PLA2G4A: variants seen among roughly 807,000 people sequenced by gnomAD.
The protein encoded by PLA2G4A is phospholipase A2 group IVA.
PLA2G4A carries 40 observed loss-of-function variants against 81.9 expected under a neutral mutation model. That is an observed-to-expected ratio of 0.49 (90% CI 0.38 to 0.64). PLA2G4A has a LOEUF of 0.64. Ranked by LOEUF, PLA2G4A falls within the 30% of genes least tolerant of loss-of-function variation. The probability of loss-of-function intolerance (pLI) is 0.00; values close to 1 mark genes in which losing one functional copy is unlikely to be tolerated. For synonymous variants in PLA2G4A, 302 were observed against 296.9 expected (o/e 1.02, Z -0.18); for missense variants, 715 against 905.1 (o/e 0.79, Z 2.69).
intron 10 of PLA2G4A, among the ~76,000 whole-genome samples, chr1:186,945,739 T>G (rs1656315642): frequency 6.6e-6 from 1 of 152,092 alleles, no homozygotes; most frequent in South Asian, 2.1e-4. Context: ...GAGTTGCAAA[T>G]GTAGAAAATG....
At chr1:186,903,098 A>G (rs1028332066) in intron 5 of PLA2G4A, among the ~76,000 whole-genome samples, 2 of 152,126 alleles carry the variant, frequency 1.3e-5, no homozygotes, top group African/African-American at 4.8e-5. Context: ...TCTAAGTAAA[A>G]TTGACCCTTT....
chr1:186,931,675 G>T (rs1410059749), intron 7 of PLA2G4A, among the ~76,000 whole-genome samples: 1 of 151,506 alleles, frequency 6.6e-6, no homozygotes, highest in East Asian at 1.9e-4. Flanking sequence ...AATCTTTTTG[G>T]TCCTTCTGGT....
intron 17 of PLA2G4A, 44 bp downstream of exon 17, chr1:186,979,516 T>C (rs761007598): frequency 4.0e-6 from 5 of 1,262,500 alleles, no homozygotes; most frequent in Admixed American, 3.4e-5. Flanking sequence ...ATGACTTCCA[T>C]ACCGTATAAA....
intron 8 of PLA2G4A, among the ~76,000 whole-genome samples, chr1:186,937,809 G>A (rs1268515713): frequency 6.6e-6 from 1 of 151,610 alleles, no homozygotes; most frequent in Non-Finnish European, 1.5e-5. Context: ...ATATGAGCAT[G>A]TTATTTAAAT....
In PLA2G4A at chr1:186,979,173, T is replaced by C. The variant is rs369344078; in HGVS notation, c.1961-142T>C. On this transcript the variant is annotated intron_variant, in intron 16 of 17. Coordinates refer to ENST00000367466, the MANE Select transcript of PLA2G4A (RefSeq NM_024420.3). ...ATCTGGCCAGAACACACAGACACGA[T>C]AAAAGTCAGAGATGCTACAGAGTAC... is the stretch of plus-strand genomic sequence containing the variant. 1,842 of 695,956 alleles carry C rather than the reference T, an allele frequency of 2.6e-3. 43 individuals carry two copies. The South Asian group carries it at 0.028, about 11-fold the overall frequency. 43.1% of individuals were successfully genotyped at this position (695,956 alleles called of 1,614,324 possible). A position where few individuals can be genotyped will look rare whatever the true frequency, so the allele number is the denominator to read the frequency against.
At chr1:186,859,391 A>G (rs1652714860) in intron 2 of PLA2G4A, among the ~76,000 whole-genome samples, 1 of 152,068 alleles carries the variant, frequency 6.6e-6, no homozygotes, top group African/African-American at 2.4e-5. Flanking sequence ...TATTTTTTTG[A>G]CCAGGAGCCA....
chr1:186,932,359 G>A (rs560634700), intron 7 of PLA2G4A, among the ~76,000 whole-genome samples: 3 of 149,050 alleles, frequency 2.0e-5, no homozygotes, highest in Non-Finnish European at 4.4e-5. Flanking sequence ...GCAATGGCAC[G>A]ATCTTGGCTC....
At chr1:186,863,761 A>AAT (rs576975261) in intron 2 of PLA2G4A, among the ~76,000 whole-genome samples, 2,496 of 78,130 alleles carry the variant, frequency 0.032, 91 homozygotes, top group African/African-American at 0.1. Flanking sequence ...CAAATATATA[A>AAT]TTTTTTTTTT....
chr1:186,969,840 T>C (rs1022263913), intron 15 of PLA2G4A, among the ~76,000 whole-genome samples: 2 of 152,178 alleles, frequency 1.3e-5, no homozygotes, highest in African/African-American at 4.8e-5. Flanking sequence ...TTCCATATTT[T>C]GGCTATTGTG....
chr1:186,835,533 G>T (rs1651747552), intron 1 of PLA2G4A, among the ~76,000 whole-genome samples: 1 of 152,124 alleles, frequency 6.6e-6, no homozygotes, highest in African/African-American at 2.4e-5. Flanking sequence ...CTATCATTAT[G>T]ATTTCTTAAT....
At position 186,948,436 on chromosome 1, in the gene PLA2G4A, A is replaced by T. The variant is rs1023314058; in HGVS notation, c.1264+1475A>T. 2.0e-5 allele frequency among the ~76,000 whole-genome samples: 3 copies of T among 152,026 alleles called. No homozygotes were observed. In the East Asian group the frequency reaches 5.8e-4, roughly 29 times the overall value. On this transcript the variant is annotated intron_variant, in intron 12 of 17. Coordinates refer to ENST00000367466, the MANE Select transcript of PLA2G4A (RefSeq NM_024420.3). ...TCTTACTTGATTTCTTTTAATGAAC[A>T]TTATATCCCAGATGAATGTCCTGTT...
At chr1:186,948,423 T>C (rs1438823956) in intron 12 of PLA2G4A, among the ~76,000 whole-genome samples, 1 of 152,190 alleles carries the variant, frequency 6.6e-6, no homozygotes, top group East Asian at 1.9e-4. Context: ...TTACTTGATT[T>C]CTTTTAATGA....
intron 2 of PLA2G4A, among the ~76,000 whole-genome samples, chr1:186,862,833 A>G (rs1652863611): frequency 6.6e-6 from 1 of 152,166 alleles, no homozygotes; most frequent in African/African-American, 2.4e-5. Flanking sequence ...GCTCCTCTAG[A>G]AAGGTGAAGG....
intron 7 of PLA2G4A, among the ~76,000 whole-genome samples, chr1:186,912,853 A>T (rs1430409702): frequency 6.8e-6 from 1 of 146,738 alleles, no homozygotes; most frequent in Non-Finnish European, 1.5e-5. Flanking sequence ...GTATTTGTAT[A>T]TAATATATAT....
intron 7 of PLA2G4A, among the ~76,000 whole-genome samples, chr1:186,927,550 T>C (rs1214482824): frequency 6.6e-6 from 1 of 152,108 alleles, no homozygotes; most frequent in Non-Finnish European, 1.5e-5. Context: ...ATTAGAGTAG[T>C]AAAGAAATGA....
At position 186,940,466 on chromosome 1, in the gene PLA2G4A, C is replaced by G. The variant is rs533025588; in HGVS notation, c.1033+372C>G. 3.3e-5 allele frequency among the ~76,000 whole-genome samples: 5 copies of G among 152,238 alleles called. 1 individual carries two copies. In the South Asian group the frequency reaches 1.0e-3, roughly 32 times the overall value. On this transcript the variant is annotated intron_variant, in intron 10 of 17. Coordinates refer to ENST00000367466, the MANE Select transcript of PLA2G4A (RefSeq NM_024420.3). ...CTTTTCATTAATTGGGTAATATGAT[C>G]TACAGTCCTCCCTTGGTACTCATGG...
At chr1:186,837,736 C>CAAAAAAAAAAAAA (rs750655561) in intron 1 of PLA2G4A, among the ~76,000 whole-genome samples, 53 of 54,940 alleles carry the variant, frequency 9.6e-4, no homozygotes, top group Non-Finnish European at 1.3e-3. Context: ...GACTCCGTCT[C>CAAAAAAAAAAAAA]AAAAAAAAAA....
In PLA2G4A at chr1:186,892,260, T is replaced by A. The variant is rs192677979; in HGVS notation, c.116-751T>A. ...TGGGTTGTCTCTTCATTTTGTTGAT[T>A]TTTTTTCCTTTGGTGTGCAAAAAAG... On this transcript the variant is annotated intron_variant, in intron 3 of 17. Coordinates refer to ENST00000367466, the MANE Select transcript of PLA2G4A (RefSeq NM_024420.3). Among the ~76,000 whole-genome samples, 10 of 152,202 alleles carry A rather than the reference T, an allele frequency of 6.6e-5. No homozygotes were observed. The East Asian group carries it at 1.9e-3, about 29-fold the overall frequency.
chr1:186,906,026 C>T (rs763650532), intron 5 of PLA2G4A, among the ~76,000 whole-genome samples: 1 of 152,118 alleles, frequency 6.6e-6, no homozygotes, highest in Non-Finnish European at 1.5e-5. Flanking sequence ...ATTTCCTCTG[C>T]ACATTTCAAG....
Sources: allele counts gnomAD v4.1 joint callset (sites outside exome capture counted in the v4.1 genomes callset), GRCh38; gene constraint gnomAD v4.1.1; transcripts MANE v1.5; gene names NCBI Gene and HGNC (gene_info 2026-07-23, HGNC 2026-07-21).